GLYATL1B: variants seen among roughly 807,000 people sequenced by gnomAD.
The protein encoded by GLYATL1B is putative glycine N-acyltransferase-like protein 1B.
GLYATL1B carries 6 observed loss-of-function variants against 5.5 expected under a neutral mutation model. The ratio of observed to expected loss-of-function variants is 1.09; its 90% CI spans 0.60 to 2.15. GLYATL1B has a LOEUF of 2.15. GLYATL1B is among the 30% of genes most tolerant of loss of function. GLYATL1B has a pLI of 0.00. For synonymous variants in GLYATL1B, 67 were observed against 34.9 expected, an observed-to-expected ratio of 1.92 and a Z score of -3.24; for missense variants, 135 against 94.1, an observed-to-expected ratio of 1.43 and a Z score of -1.80.
intron 1 of GLYATL1B, among the ~76,000 whole-genome samples, chr11:59,086,788 A>T (rs770743255): frequency 2.4e-4 from 36 of 152,204 alleles, no homozygotes; most frequent in Non-Finnish European, 4.1e-4. Context: ...GTGGACACTG[A>T]ATGAATCCAT....
chr11:59,090,696 T>C (rs1252827748), intron 2 of GLYATL1B, among the ~76,000 whole-genome samples: 1 of 152,078 alleles, frequency 6.6e-6, no homozygotes, highest in African/African-American at 2.4e-5. Flanking sequence ...TGTCGAAGTC[T>C]CTTATATTTT....
At chr11:59,090,276 A>G (rs1859280670) in intron 2 of GLYATL1B, among the ~76,000 whole-genome samples, 1 of 152,022 alleles carries the variant, frequency 6.6e-6, no homozygotes, top group Non-Finnish European at 1.5e-5. Context: ...CTTCAGAGCT[A>G]TATGAACAAA....
intron 2 of GLYATL1B, among the ~76,000 whole-genome samples, chr11:59,089,355 A>C (rs558191817): frequency 2.0e-5 from 3 of 152,260 alleles, no homozygotes; most frequent in African/African-American, 7.2e-5. Context: ...AACTTTTCTC[A>C]ATGCAATTGG....
intron 2 of GLYATL1B, among the ~76,000 whole-genome samples, chr11:59,088,981 G>C (rs1369826065): frequency 6.6e-6 from 1 of 152,120 alleles, no homozygotes; most frequent in Non-Finnish European, 1.5e-5. Flanking sequence ...GCTGATTATA[G>C]AAGTGGAAAA....
intron 2 of GLYATL1B, among the ~76,000 whole-genome samples, chr11:59,088,739 A>G (rs1171460449): frequency 6.6e-6 from 1 of 152,176 alleles, no homozygotes; most frequent in East Asian, 1.9e-4. Context: ...ATATTAAAAT[A>G]TAAAAGTTCC....
intron 2 of GLYATL1B, among the ~76,000 whole-genome samples, chr11:59,093,193 A>G (rs1198787885): frequency 2.0e-5 from 3 of 152,192 alleles, no homozygotes; most frequent in Non-Finnish European, 2.9e-5. Flanking sequence ...TATATAAAAT[A>G]AGGTAAGTGT....
Position 59,093,579 on chromosome 11 carries a change from C to T in GLYATL1B, c.237C>T (p.Ser79=), listed in dbSNP as rs981698106. 8 of 486,958 alleles carry T rather than the reference C, an allele frequency of 1.6e-5. No homozygotes were observed. The highest frequency in any genetic ancestry group is 2.6e-5 in the Non-Finnish European group (7 of 266,980). 30.2% of individuals were successfully genotyped at this position (486,958 alleles called of 1,614,324 possible). Residue 79 remains serine (S), a synonymous_variant, in exon 3 of 5, where the codon TCC becomes TCT. Coordinates refer to ENST00000527482, the MANE Select transcript of GLYATL1B (RefSeq NM_001355566.1). ...ACACTAATGTATATCGTGTATTCTC[C>T]AAAGACCCTCAAAAATCACAAGAAG... The part of the protein sequence containing the change: ...DSYTNVYRVF[S]KDPQKSQEVL...
At chr11:59,087,826 C>T (rs987399157) in intron 2 of GLYATL1B, among the ~76,000 whole-genome samples, 3 of 152,078 alleles carry the variant, frequency 2.0e-5, no homozygotes, top group African/African-American at 7.2e-5. Flanking sequence ...CTAGCCTGGC[C>T]AACAGAGTGA....
intron 4 of GLYATL1B, 75 bp from the exon 5 acceptor site, chr11:59,094,294 C>A: frequency 6.2e-6 from 3 of 486,720 alleles, no homozygotes; most frequent in Admixed American, 7.5e-5. Context: ...GGCCTGGGAT[C>A]TCTAGAATGG....
At chr11:59,091,806 C>T (rs1414504892) in intron 2 of GLYATL1B, among the ~76,000 whole-genome samples, 2 of 152,152 alleles carry the variant, frequency 1.3e-5, no homozygotes, top group African/African-American at 2.4e-5. Flanking sequence ...GACATGGAAT[C>T]ATCACAGATC....
chr11:59,089,329 G>A (rs1859259387), intron 2 of GLYATL1B, among the ~76,000 whole-genome samples: 2 of 152,102 alleles, frequency 1.3e-5, no homozygotes, highest in Non-Finnish European at 1.5e-5. Context: ...TTGTATACAT[G>A]TCTTTACATC....
At chr11:59,093,246 T>C (rs893170765) in intron 2 of GLYATL1B, among the ~76,000 whole-genome samples, 5 of 152,206 alleles carry the variant, frequency 3.3e-5, no homozygotes, top group African/African-American at 1.2e-4. Context: ...TCTTAAGGCC[T>C]GGTGGAGGGT....
At position 59,086,822 on chromosome 11, in the gene GLYATL1B, A is replaced by G. The variant is rs147639608; in HGVS notation, c.79-242A>G. On this transcript the variant is annotated intron_variant, in intron 1 of 4. Coordinates refer to ENST00000527482, the MANE Select transcript of GLYATL1B (RefSeq NM_001355566.1). ...ATACAATATAAGTGCTAAGTGCATT[A>G]ACAAGTGCCCAGCTACTGCACAGTA... Among the ~76,000 whole-genome samples, 800 of 152,188 alleles carry G rather than the reference A, an allele frequency of 5.3e-3. 3 individuals carry two copies. Among genetic ancestry groups the G allele is most frequent in the African/African-American group, 0.014 (591 of 41,540 alleles).
chr11:59,093,520 C>T lies in GLYATL1B; in HGVS notation c.187-9C>T. On this transcript the variant is annotated splice_polypyrimidine_tract_variant and intron_variant, in intron 2 of 4. Coordinates refer to ENST00000527482, the MANE Select transcript of GLYATL1B (RefSeq NM_001355566.1). ...AGGGAATGATCTGACCTTTCACCAT[C>T]CTACACAGGAGATGACTGATGACAT... 1 of 477,738 alleles carries T rather than the reference C, an allele frequency of 2.1e-6. No individual in the cohort carries two copies. The highest frequency in any genetic ancestry group is 3.9e-6 in the Non-Finnish European group (1 of 259,022). 29.6% of individuals were successfully genotyped at this position (477,738 alleles called of 1,614,324 possible).
chr11:59,092,680 TG>T (rs1397938627), intron 2 of GLYATL1B, among the ~76,000 whole-genome samples: 1 of 152,232 alleles, frequency 6.6e-6, no homozygotes, highest in Non-Finnish European at 1.5e-5. Context: ...ATGAAGTTTG[TG>T]GCTTGTGAGA....
In GLYATL1B at chr11:59,089,100, G is replaced by A. The variant is rs115177645; in HGVS notation, c.186+1929G>A. ...TCCTTGGCCATATTAACACACAAAC[G>A]GATATTCAGTTATGATCTCTTCTGT... On this transcript the variant is annotated intron_variant, in intron 2 of 4. Transcript: ENST00000527482. 9.0e-3 allele frequency among the ~76,000 whole-genome samples: 1,363 copies of A among 152,170 alleles called. 24 individuals are homozygous for A. Among genetic ancestry groups the A allele is most frequent in the African/African-American group, 0.031 (1,296 of 41,506 alleles).
intron 2 of GLYATL1B, among the ~76,000 whole-genome samples, chr11:59,090,474 T>C (rs1007951510): frequency 6.6e-6 from 1 of 152,012 alleles, no homozygotes; most frequent in African/African-American, 2.4e-5. Flanking sequence ...AATATTAGTG[T>C]TTTCCTGAGG....
chr11:59,086,605 G>T (rs1039252856), intron 1 of GLYATL1B, among the ~76,000 whole-genome samples: 2 of 152,136 alleles, frequency 1.3e-5, no homozygotes, highest in African/African-American at 4.8e-5. Flanking sequence ...TGGAGAGGTG[G>T]TGAAGAATGG....
intron 2 of GLYATL1B, among the ~76,000 whole-genome samples, chr11:59,091,960 G>A (rs1037675501): frequency 3.3e-5 from 5 of 152,290 alleles, no homozygotes; most frequent in South Asian, 2.1e-4. Flanking sequence ...TTTTCAAATG[G>A]TAGATATTTC....
Sources: allele counts gnomAD v4.1 joint callset (sites outside exome capture counted in the v4.1 genomes callset), GRCh38; gene constraint gnomAD v4.1.1; transcripts MANE v1.5; gene names NCBI Gene and HGNC (gene_info 2026-07-23, HGNC 2026-07-21).